SHANK2: variants seen among roughly 807,000 people sequenced by gnomAD.
SHANK2 encodes SH3 and multiple ankyrin repeat domains protein 2.
SHANK2 carries 43 observed loss-of-function variants against 133.7 expected under a neutral mutation model. The ratio of observed to expected loss-of-function variants is 0.32; its 90% CI spans 0.25 to 0.41. SHANK2 has a LOEUF of 0.41. Ranked by LOEUF, SHANK2 falls within the 10% of genes least tolerant of loss-of-function variation. The pLI is 1.00. For synonymous variants in SHANK2, 1,017 were observed against 952.8 expected, an observed-to-expected ratio of 1.07 and a Z score of -1.24; for missense variants, 1,994 against 2,235.8, an observed-to-expected ratio of 0.89 and a Z score of 2.18.
chr11:70,885,233 A>T (rs1949720874), intron 11 of SHANK2, among the ~76,000 whole-genome samples: 1 of 149,902 alleles, frequency 6.7e-6, no homozygotes, highest in Admixed American at 6.7e-5. Context: ...GGGTCAGGCT[A>T]GGGCACAGTG....
chr11:70,777,080 T>C (rs1947381682), intron 14 of SHANK2, among the ~76,000 whole-genome samples: 2 of 144,608 alleles, frequency 1.4e-5, no homozygotes, highest in African/African-American at 5.2e-5. Context: ...CACCCACTCA[T>C]TCACTCACCC....
chr11:70,612,320 T>C (rs746337931), intron 17 of SHANK2, among the ~76,000 whole-genome samples: 1 of 152,148 alleles, frequency 6.6e-6, no homozygotes, highest in Non-Finnish European at 1.5e-5. Flanking sequence ...GTAGCCCCCA[T>C]CTCTGACAGA....
At chr11:70,743,902 C>G (rs565340220) in intron 14 of SHANK2, among the ~76,000 whole-genome samples, 2 of 152,290 alleles carry the variant, frequency 1.3e-5, no homozygotes, top group African/African-American at 4.8e-5. Flanking sequence ...CTCTGTGAGG[C>G]CCTGCCAAAC....
At chr11:70,681,876 C>A (rs541447697) in intron 15 of SHANK2, among the ~76,000 whole-genome samples, 1 of 151,988 alleles carries the variant, frequency 6.6e-6, no homozygotes, top group Non-Finnish European at 1.5e-5. Flanking sequence ...GGGTTCTGCA[C>A]GGGCTTCAGG....
At chr11:70,827,115 G>A (rs546044214) in intron 11 of SHANK2, among the ~76,000 whole-genome samples, 12 of 152,278 alleles carry the variant, frequency 7.9e-5, no homozygotes, top group African/African-American at 2.9e-4. Flanking sequence ...CACGTTCCCC[G>A]GGCAGACATG....
At chr11:70,576,566 GGCGGA>G (rs1196257063) in intron 17 of SHANK2, among the ~76,000 whole-genome samples, 1 of 152,116 alleles carries the variant, frequency 6.6e-6, no homozygotes, top group East Asian at 1.9e-4. Context: ...GAACCCGGGA[GGCGGA>G]GCTTGCAGTG....
intron 14 of SHANK2, among the ~76,000 whole-genome samples, chr11:70,763,429 G>T (rs1253454136): frequency 1.3e-5 from 2 of 152,104 alleles, no homozygotes; most frequent in Non-Finnish European, 2.9e-5. Flanking sequence ...GTGGATGTGG[G>T]TGAAGCATCA....
chr11:70,713,133 C>T (rs782287565), intron 14 of SHANK2, among the ~76,000 whole-genome samples: 11 of 152,312 alleles, frequency 7.2e-5, no homozygotes, highest in Middle Eastern at 3.4e-3. Flanking sequence ...CTGTCGGGCA[C>T]GTGCCAGTGG....
chr11:70,831,659 TA>T (rs1291585390), intron 11 of SHANK2, among the ~76,000 whole-genome samples: 3 of 151,716 alleles, frequency 2.0e-5, no homozygotes, highest in East Asian at 1.9e-4. Context: ...ACTTCTTGCA[TA>T]AAAAAAAAGC....
chr11:70,546,853 G>A (rs1406252410), intron 17 of SHANK2, among the ~76,000 whole-genome samples: 2 of 152,202 alleles, frequency 1.3e-5, no homozygotes, highest in African/African-American at 4.8e-5. Flanking sequence ...TCCTGCCTTG[G>A]CCAGCTCTGT....
intron 11 of SHANK2, among the ~76,000 whole-genome samples, chr11:70,850,060 C>T (rs943938435): frequency 3.3e-5 from 5 of 152,206 alleles, no homozygotes; most frequent in African/African-American, 7.2e-5. Context: ...ATGAATCTGA[C>T]GACTCTAGGG....
In SHANK2 at chr11:71,167,969, A is replaced by G. The variant is rs1379470265; in HGVS notation, c.-12-20631T>C. ...CGGACGAGGTGGCTGCCGGGCAGAG[A>G]AGCTCCTCACTTCCCAGACGGGGTG... On this transcript the variant is annotated intron_variant, in intron 2 of 25. Coordinates refer to ENST00000601538, the MANE Select transcript of SHANK2 (RefSeq NM_012309.5). 1.1e-3 allele frequency among the ~76,000 whole-genome samples: 120 copies of G among 108,180 alleles called. 2 individuals are homozygous for G. Among genetic ancestry groups the G allele is most frequent in the Non-Finnish European group, 2.0e-3 (102 of 50,510 alleles). 71.0% of individuals were successfully genotyped at this position (108,180 alleles called of 152,430 possible). A position where few individuals can be genotyped will look rare whatever the true frequency, so the allele number is the denominator to read the frequency against.
At chr11:70,599,969 AAG>A (rs112341935) in intron 17 of SHANK2, among the ~76,000 whole-genome samples, 7,476 of 100,964 alleles carry the variant, frequency 0.074, 519 homozygotes, top group African/African-American at 0.14. Flanking sequence ...GAAAGAAAGA[AAG>A]AAAATGTATC....
intron 1 of SHANK2, among the ~76,000 whole-genome samples, chr11:71,225,717 C>A (rs537425891): frequency 7.2e-5 from 11 of 152,252 alleles, no homozygotes; most frequent in Non-Finnish European, 1.5e-4. Context: ...TTGAAAGCAA[C>A]CATGATGAAT....
At chr11:70,883,570 G>T (rs958049581) in intron 11 of SHANK2, among the ~76,000 whole-genome samples, 1 of 152,204 alleles carries the variant, frequency 6.6e-6, no homozygotes, top group Admixed American at 6.5e-5. Flanking sequence ...AACAAAGGGG[G>T]CTGGGAAAGG....
chr11:71,076,248 G>C (rs1951217434), intron 8 of SHANK2, among the ~76,000 whole-genome samples: 1 of 152,112 alleles, frequency 6.6e-6, no homozygotes, highest in African/African-American at 2.4e-5. Flanking sequence ...TCAATCCCAG[G>C]GTCGGGAGGG....
rs543554069 is a variant in SHANK2, at chr11:71,153,924, C to T, written c.-12-6586G>A. On this transcript the variant is annotated intron_variant, in intron 2 of 25. Transcript: ENST00000601538. ...GGCGGAGTTTGTAGTGAGCCGAGAT[C>T]GTACCACTGCACTCCAGCCTGGGCA... Among the ~76,000 whole-genome samples the T allele has an allele frequency of 3.3e-5, 5 of 152,088 alleles. No homozygotes were observed. In the East Asian group the frequency reaches 7.7e-4, roughly 24 times the overall value.
intron 17 of SHANK2, among the ~76,000 whole-genome samples, chr11:70,547,379 G>C (rs782744012): frequency 4.6e-5 from 7 of 152,138 alleles, no homozygotes; most frequent in Non-Finnish European, 1.0e-4. Context: ...TCCTGCCTCT[G>C]CCTTCTGAGT....
intron 6 of SHANK2, among the ~76,000 whole-genome samples, chr11:71,097,875 CCTGTGTGCCT>C (rs1237564587): frequency 6.6e-6 from 1 of 152,202 alleles, no homozygotes; most frequent in African/African-American, 2.4e-5. Flanking sequence ...TATGTGCATG[CCTGTGTGCCT>C]GTGTGTGCAT....
Sources: allele counts gnomAD v4.1 joint callset (sites outside exome capture counted in the v4.1 genomes callset), GRCh38; gene constraint gnomAD v4.1.1; transcripts MANE v1.5; gene names NCBI Gene and HGNC (gene_info 2026-07-23, HGNC 2026-07-21).